Variants in TENM2 observed in about 807,000 individuals in gnomAD.
TENM2 encodes teneurin transmembrane protein 2.
Under a neutral mutation model 245.2 loss-of-function variants are expected in TENM2, and 52 were observed. The observed-to-expected ratio is 0.21, with a 90% CI of 0.17 to 0.27. The LOEUF (loss-of-function observed/expected upper bound fraction) is 0.27, where lower values mean the gene tolerates loss of function less well. TENM2 is among the 10% of genes least tolerant of loss of function. TENM2 has a pLI of 1.00. For missense variants in TENM2, 3,046 were observed against 3,666.8 expected, an observed-to-expected ratio of 0.83 and a Z score of 4.37; for synonymous variants, 1,363 against 1,438.9, an observed-to-expected ratio of 0.95 and a Z score of 1.19.
chr5:167,886,141 T>C (rs1041204891), intron 3 of TENM2, among the ~76,000 whole-genome samples: 4 of 152,196 alleles, frequency 2.6e-5, no homozygotes, highest in African/African-American at 7.2e-5. Context: ...AGCTGTGAAT[T>C]GGGATTATTA....
intron 2 of TENM2, among the ~76,000 whole-genome samples, chr5:167,399,262 G>A (rs1027890625): frequency 6.6e-6 from 1 of 152,192 alleles, no homozygotes; most frequent in Non-Finnish European, 1.5e-5. Flanking sequence ...TCACAGAGTT[G>A]ATGATAAAAG....
the TENM2 span, among the ~76,000 whole-genome samples, chr5:167,277,132 T>A: frequency 6.6e-6 from 1 of 152,112 alleles, no homozygotes; most frequent in Non-Finnish European, 1.5e-5. Flanking sequence ...TGTTTATTAT[T>A]CCCTCCCCTT....
chr5:167,934,792 T>G, intron 3 of TENM2: 1 of 939,236 alleles, frequency 1.1e-6, no homozygotes, highest in Non-Finnish European at 1.3e-6. Context: ...AGGGCAGCCT[T>G]CCAGGGCCTG....
the TENM2 span, among the ~76,000 whole-genome samples, chr5:167,225,564 G>A: frequency 6.6e-6 from 1 of 151,982 alleles, no homozygotes. Context: ...GATTCAGTTT[G>A]CTAATATTTT....
At chr5:167,662,543 CTG>C (rs1308320536) in intron 2 of TENM2, among the ~76,000 whole-genome samples, 7 of 152,180 alleles carry the variant, frequency 4.6e-5, no homozygotes. Context: ...AATCAGACTT[CTG>C]TGTTTCATCT....
chr5:167,868,429 T>A (rs1475772461), intron 2 of TENM2, among the ~76,000 whole-genome samples: 1 of 151,896 alleles, frequency 6.6e-6, no homozygotes, highest in African/African-American at 2.4e-5. Context: ...ATACATAATA[T>A]ATATCTGTAT....
chr5:167,543,581 C>T lies in TENM2; in HGVS notation c.502+168108C>T, dbSNP rs189578301. On this transcript the variant is annotated intron_variant, in intron 2 of 28. Transcript: ENST00000518659. ...TTGCAAAAACAATGCCTATTTTATC[C>T]GTTTTATAGAGCAACTGCAACAAAG... Among the ~76,000 whole-genome samples, 59 of 152,232 alleles carry T rather than the reference C, an allele frequency of 3.9e-4. No homozygotes were observed. In the South Asian group the frequency reaches 0.012, roughly 31 times the overall value.
chr5:167,543,285 G>A (rs963196327), intron 2 of TENM2, among the ~76,000 whole-genome samples: 1 of 152,090 alleles, frequency 6.6e-6, no homozygotes, highest in Non-Finnish European at 1.5e-5. Flanking sequence ...TGAGACCTAG[G>A]CCCAGAAGTT....
intron 25 of TENM2, among the ~76,000 whole-genome samples, chr5:168,238,229 GAA>G (rs1158421088): frequency 1.2e-5 from 1 of 81,114 alleles, no homozygotes; most frequent in Non-Finnish European, 2.5e-5. Flanking sequence ...GAGAAGAAAA[GAA>G]AAGAAAAGAA....
chr5:167,156,797 A>G, the TENM2 span, among the ~76,000 whole-genome samples: 8 of 152,210 alleles, frequency 5.3e-5, no homozygotes, highest in African/African-American at 1.9e-4. Flanking sequence ...GACAATTTAA[A>G]AACTTGCCCA....
chr5:167,630,617 A>T (rs1006686107), intron 2 of TENM2, among the ~76,000 whole-genome samples: 1 of 152,170 alleles, frequency 6.6e-6, no homozygotes, highest in African/African-American at 2.4e-5. Flanking sequence ...TGGGCAATAT[A>T]TGGTGATTTT....
intron 2 of TENM2, among the ~76,000 whole-genome samples, chr5:167,857,985 G>A (rs540617469): frequency 3.9e-5 from 6 of 152,154 alleles, no homozygotes; most frequent in Non-Finnish European, 7.3e-5. Context: ...GGTTGATCAG[G>A]GATATTATCT....
intron 5 of TENM2, among the ~76,000 whole-genome samples, chr5:167,994,745 C>T (rs180708075): frequency 6.6e-6 from 1 of 152,166 alleles, no homozygotes; most frequent in African/African-American, 2.4e-5. Context: ...CACAGCTGTA[C>T]ACGGGAACTG....
Position 167,417,096 on chromosome 5 carries a change from C to A in TENM2, c.502+41623C>A, listed in dbSNP as rs571965786. On this transcript the variant is annotated intron_variant, in intron 2 of 28. Transcript: ENST00000518659. ...CTCCATGTCCCTAATCTTAATCACC[C>A]AGAATTACACATTTAGAAACACTTC... Among the ~76,000 whole-genome samples the A allele has an allele frequency of 5.9e-5, 9 of 152,278 alleles. No individual in the cohort carries two copies. In the South Asian group the frequency reaches 1.9e-3, roughly 32 times the overall value.
chr5:168,041,066 G>C (rs902730330), intron 5 of TENM2, among the ~76,000 whole-genome samples: 3 of 152,168 alleles, frequency 2.0e-5, no homozygotes, highest in African/African-American at 7.2e-5. Flanking sequence ...GTTCGGTCTT[G>C]TCTAAGTAGT....
chr5:168,199,916 T>C, exon 17 of TENM2: 1 of 1,613,980 alleles, frequency 6.2e-7, no homozygotes, highest in African/African-American at 1.3e-5. Flanking sequence ...CTTCGCTATC[T>C]GAGCTCTAGA....
At chr5:167,693,424 A>T (rs1757558410) in intron 2 of TENM2, among the ~76,000 whole-genome samples, 1 of 152,120 alleles carries the variant, frequency 6.6e-6, no homozygotes, top group Non-Finnish European at 1.5e-5. Context: ...GAGTTACATA[A>T]TTTTCCTGTA....
At chr5:167,279,184 T>C in the TENM2 span, among the ~76,000 whole-genome samples, 1 of 152,206 alleles carries the variant, frequency 6.6e-6, no homozygotes, top group Non-Finnish European at 1.5e-5. Context: ...TTGTATTGTT[T>C]TTTCTCACCC....
intron 2 of TENM2, among the ~76,000 whole-genome samples, chr5:167,857,235 C>T (rs768685871): frequency 6.6e-6 from 1 of 152,168 alleles, no homozygotes; most frequent in Non-Finnish European, 1.5e-5. Flanking sequence ...GAATGTGGCT[C>T]TTTTTCGTAG....
Sources: gnomAD v4.1 joint callset for allele counts (sites outside exome capture counted in the v4.1 genomes callset) on GRCh38, gnomAD v4.1.1 for gene constraint, MANE v1.5 for transcripts, NCBI Gene and HGNC (gene_info 2026-07-23, HGNC 2026-07-21) for gene names.